The following ELAPOR2 variants were observed in gnomAD, a reference collection of about 807,000 sequenced individuals.
ELAPOR2 encodes the protein endosome-lysosome associated apoptosis and autophagy regulator family member 2, also known as endosome/lysosome-associated apoptosis and autophagy regulator family member 2.
Under a neutral mutation model 120.7 loss-of-function variants are expected in ELAPOR2, and 89 were observed. The ratio of observed to expected loss-of-function variants is 0.74; its 90% confidence interval spans 0.62 to 0.88. ELAPOR2 has a LOEUF of 0.88. ELAPOR2 is among the 40% of genes least tolerant of loss of function. The probability of loss-of-function intolerance (pLI) is 0.00; values close to 1 mark genes in which losing one functional copy is unlikely to be tolerated. For synonymous variants in ELAPOR2, 444 were observed against 444.9 expected (o/e 1.00, Z 0.03); for missense variants, 1,134 against 1,251.6 (o/e 0.91, Z 1.42).
intron 18 of ELAPOR2, among the ~76,000 whole-genome samples, chr7:86,905,118 GGAAGGAAGGAAA>G (rs778936239): frequency 1.5e-4 from 18 of 120,474 alleles, no homozygotes; most frequent in Non-Finnish European, 2.0e-4. Flanking sequence ...AAGGAAGGAA[GGAAGGAAGGAAA>G]GAAAGAAAAG....
intron 1 of ELAPOR2, among the ~76,000 whole-genome samples, chr7:86,989,235 C>T (rs1792859358): frequency 1.3e-5 from 2 of 152,114 alleles, no homozygotes; most frequent in African/African-American, 4.8e-5. Context: ...ATTAAGCAGG[C>T]TGTATGTGCT....
At chr7:87,032,988 A>G (rs904271169) in intron 1 of ELAPOR2, among the ~76,000 whole-genome samples, 3 of 152,230 alleles carry the variant, frequency 2.0e-5, no homozygotes, top group Non-Finnish European at 2.9e-5. Context: ...TGAAAAAAAG[A>G]AATCATGTGA....
At chr7:86,947,981 C>T (rs1036153112) in intron 2 of ELAPOR2, 59 bp from the exon 3 acceptor site, 9 of 1,134,588 alleles carry the variant, frequency 7.9e-6, no homozygotes, top group Non-Finnish European at 1.1e-5. Context: ...TCCTCCCCTT[C>T]ATGCTGTCAC....
chr7:86,908,534 A>G lies in ELAPOR2; in HGVS notation c.2369T>C (p.Val790Ala), dbSNP rs80054630. The G allele has an allele frequency of 8.6e-4, 1,309 of 1,514,522 alleles. 2 individuals are homozygous for G. Among genetic ancestry groups the G allele is most frequent in the Non-Finnish European group, 1.1e-3 (1,230 of 1,107,848 alleles). 93.8% of individuals were successfully genotyped at this position (1,514,522 alleles called of 1,614,324 possible). The change falls in exon 17 of 22, where the codon GTT becomes GCT. Residue 790 changes from valine to alanine, a missense_variant. Transcript: ENST00000450689. Reference protein sequence around the residue: ...ILADTFIGVTVETTLKNINIK... With the variant: ...ILADTFIGVTAETTLKNINIK... Reference sequence around the variant, plus strand: ...ATTAATATTTTTCAATGTGGTTTCAACTGTGACTCCTAGATGACATTTAAA... The same window carrying G: ...ATTAATATTTTTCAATGTGGTTTCAGCTGTGACTCCTAGATGACATTTAAA...
intron 1 of ELAPOR2, among the ~76,000 whole-genome samples, chr7:86,983,057 C>A (rs1349303243): frequency 6.6e-6 from 1 of 152,074 alleles, no homozygotes; most frequent in African/African-American, 2.4e-5. Flanking sequence ...CTTCATTAGC[C>A]AATTCGATCA....
intron 21 of ELAPOR2, among the ~76,000 whole-genome samples, chr7:86,886,113 A>G (rs1799676452): frequency 6.6e-6 from 1 of 152,190 alleles, no homozygotes; most frequent in South Asian, 2.1e-4. Context: ...ACTTCTACTT[A>G]CAGAGGTGGT....
At chr7:86,906,231 G>C (rs1468813099) in intron 18 of ELAPOR2, among the ~76,000 whole-genome samples, 1 of 152,170 alleles carries the variant, frequency 6.6e-6, no homozygotes, top group East Asian at 1.9e-4. Flanking sequence ...CTCTTTTATT[G>C]CTAGAATCTC....
At position 86,879,064 on chromosome 7, in the gene ELAPOR2, C is replaced by G. The variant is rs1392594336; in HGVS notation, c.*1407G>C. On this transcript the variant is annotated 3_prime_UTR_variant, in exon 22 of 22. Transcript: ENST00000450689. The stretch of plus-strand genomic sequence containing the variant: ...GGCAAATCATTTCCCTACATATATG[C>G]CCTGCCTCTCTCAGCCAATCACAAC... The G allele has an allele frequency of 6.6e-6, 1 of 152,148 alleles. No homozygotes were observed. Among genetic ancestry groups the G allele is most frequent in the Non-Finnish European group, 1.5e-5 (1 of 68,032 alleles). The allele number at this position is 152,148 out of a possible 1,614,324, so 9.4% of individuals were successfully genotyped here. A position where few individuals can be genotyped will look rare whatever the true frequency, so the allele number is the denominator to read the frequency against.
At chr7:86,887,917 A>G (rs925167635) in intron 21 of ELAPOR2, among the ~76,000 whole-genome samples, 2 of 151,994 alleles carry the variant, frequency 1.3e-5, no homozygotes, top group Non-Finnish European at 2.9e-5. Context: ...ACACCACTAC[A>G]TAAGGTTATT....
At chr7:87,027,948 T>A (rs973885218) in intron 1 of ELAPOR2, among the ~76,000 whole-genome samples, 1 of 152,094 alleles carries the variant, frequency 6.6e-6, no homozygotes, top group Non-Finnish European at 1.5e-5. Context: ...ATGTCTCAAA[T>A]TAAAAGACTG....
At chr7:87,058,701 A>G (rs531287534) in intron 1 of ELAPOR2, among the ~76,000 whole-genome samples, 5 of 152,292 alleles carry the variant, frequency 3.3e-5, no homozygotes, top group Admixed American at 3.3e-4. Flanking sequence ...TGTCTTTTCT[A>G]ATTTTCTCCA....
chr7:86,998,830 G>A (rs183757805), intron 1 of ELAPOR2, among the ~76,000 whole-genome samples: 6 of 147,086 alleles, frequency 4.1e-5, no homozygotes, highest in Non-Finnish European at 8.9e-5. Context: ...ATTCTTTTTA[G>A]AATTCCATAA....
chr7:86,938,787 C>G, intron 7 of ELAPOR2, 21 bp downstream of exon 7: 1 of 1,610,376 alleles, frequency 6.2e-7, no homozygotes, highest in East Asian at 2.2e-5. Context: ...AAGAAAAAAG[C>G]AGAGTATAAA....
intron 13 of ELAPOR2, among the ~76,000 whole-genome samples, chr7:86,913,489 A>G (rs986705959): frequency 2.0e-5 from 3 of 152,218 alleles, no homozygotes; most frequent in African/African-American, 7.2e-5. Context: ...TATAGACCTC[A>G]TATCTAGAAG....
intron 1 of ELAPOR2, among the ~76,000 whole-genome samples, chr7:86,978,078 G>A (rs1767720): frequency 0.41 from 61,666 of 151,946 alleles, 14,297 homozygotes; most frequent in African/African-American, 0.64. Context: ...CCTGTCAAGG[G>A]TGGGACAAGG....
intron 1 of ELAPOR2, among the ~76,000 whole-genome samples, chr7:86,986,987 C>A (rs1301353897): frequency 6.7e-6 from 1 of 150,192 alleles, no homozygotes; most frequent in Non-Finnish European, 1.5e-5. Context: ...GATACTGGTA[C>A]CAAAACAGAG....
Position 86,980,207 on chromosome 7 carries a change from A to C in ELAPOR2, c.190-15183T>G, listed in dbSNP as rs556382851. Among the ~76,000 whole-genome samples the C allele has an allele frequency of 2.6e-5, 4 of 152,356 alleles. No individual in the cohort carries two copies. In the South Asian group the frequency reaches 8.3e-4, roughly 32 times the overall value. On this transcript the variant is annotated intron_variant, in intron 1 of 21. Coordinates refer to ENST00000450689, the MANE Select transcript of ELAPOR2 (RefSeq NM_001142749.3). ...AAAACTCTGGTACGTTTTAGAATAA[A>C]TAGTGCCTTTGAATTAAGGAAATAT...
At chr7:86,949,064 C>G (rs1053472072) in intron 2 of ELAPOR2, among the ~76,000 whole-genome samples, 2 of 152,206 alleles carry the variant, frequency 1.3e-5, no homozygotes, top group Non-Finnish European at 1.5e-5. Context: ...CCACACACAT[C>G]TACTTATTCG....
chr7:87,023,024 T>C (rs1301618063), intron 1 of ELAPOR2, among the ~76,000 whole-genome samples: 3 of 152,226 alleles, frequency 2.0e-5, no homozygotes, highest in East Asian at 1.9e-4. Flanking sequence ...ATTCTGTAAG[T>C]TGCCTGTTCA....
Sources: allele counts gnomAD v4.1 joint callset (sites outside exome capture counted in the v4.1 genomes callset), GRCh38; gene constraint gnomAD v4.1.1; transcripts MANE v1.5; gene names NCBI Gene and HGNC (gene_info 2026-07-23, HGNC 2026-07-21).